PDXDC1: variants seen among roughly 807,000 people sequenced by gnomAD.
PDXDC1 encodes the protein pyridoxal dependent decarboxylase domain containing 1, also known as pyridoxal-dependent decarboxylase domain-containing protein 1.
A neutral mutation model predicts 100.1 loss-of-function variants in PDXDC1; 42 were observed. The ratio of observed to expected loss-of-function variants is 0.42; its 90% CI spans 0.33 to 0.54. The LOEUF is 0.54. PDXDC1 is among the 20% of genes least tolerant of loss of function. The pLI, the probability that PDXDC1 is intolerant of heterozygous loss-of-function variation, is 0.10. For missense variants in PDXDC1, 636 were observed against 979.2 expected, an observed-to-expected ratio of 0.65 and a Z score of 4.68; for synonymous variants, 260 against 371.7, an observed-to-expected ratio of 0.70 and a Z score of 3.46.
At chr16:15,126,909 C>T (rs1256515638) in intron 16 of PDXDC1, 3 of 225,066 alleles carry the variant, frequency 1.3e-5, no homozygotes, top group Non-Finnish European at 2.7e-5. Flanking sequence ...CTGCCCGCCT[C>T]GGCCTCCCAA....
intron 11 of PDXDC1, among the ~76,000 whole-genome samples, chr16:15,018,417 A>AAAT (rs1336770800): frequency 1.3e-5 from 2 of 152,380 alleles, no homozygotes; most frequent in African/African-American, 4.8e-5. Flanking sequence ...CTGTCACAAA[A>AAAT]AATAATAATA....
At chr16:15,086,428 T>C in intron 16 of PDXDC1, 2 of 1,613,502 alleles carry the variant, frequency 1.2e-6, no homozygotes, top group Non-Finnish European at 1.7e-6. Context: ...AACGGAATTC[T>C]AGCAGCCAGT....
intron 16 of PDXDC1, among the ~76,000 whole-genome samples, chr16:15,057,029 C>G (rs1283153961): frequency 6.6e-6 from 1 of 152,076 alleles, no homozygotes; most frequent in Non-Finnish European, 1.5e-5. Context: ...AAATATTGCT[C>G]AAATTCATCC....
At chr16:15,144,756 G>C in the PDXDC1 span, among the ~76,000 whole-genome samples, 2 of 152,210 alleles carry the variant, frequency 1.3e-5, no homozygotes, top group African/African-American at 2.4e-5. Flanking sequence ...GGCTGAACGA[G>C]GGAGATGAGA....
At chr16:15,041,163 A>G, downstream of PDXDC1, 1 of 1,212,246 alleles carries the variant, frequency 8.2e-7, no homozygotes, top group Non-Finnish European at 1.2e-6. Flanking sequence ...TTAAAGAAAT[A>G]CCAAATGATT....
chr16:15,089,373 A>G (rs1171544719), intron 16 of PDXDC1, among the ~76,000 whole-genome samples: 3 of 152,272 alleles, frequency 2.0e-5, no homozygotes, highest in Admixed American at 1.3e-4. Flanking sequence ...ATTAGGACAC[A>G]GGTAGATTTC....
chr16:14,984,414 T>C (rs1249664601), intron 1 of PDXDC1, among the ~76,000 whole-genome samples: 1 of 149,058 alleles, frequency 6.7e-6, no homozygotes, highest in East Asian at 2.0e-4. Context: ...TTTTTTTTTT[T>C]TTTCCAAATC....
In PDXDC1 at chr16:15,017,316, G is replaced by A. The variant is rs1293755531; in HGVS notation, c.862-5G>A. The A allele has an allele frequency of 5.0e-6, 8 of 1,606,122 alleles. 1 individual carries two copies. The Admixed American group carries it at 1.3e-4, about 27-fold the overall frequency. On this transcript the variant is annotated splice_region_variant and splice_polypyrimidine_tract_variant and intron_variant, in intron 10 of 22. Transcript: ENST00000396410. The stretch of plus-strand genomic sequence containing the variant: ...TCTAACAAAGAGTTGTTCTTGTTTT[G>A]GTAGGCTGCAGCCAAATGTGATAGC...
At chr16:15,135,220 T>C (rs1040445258) in intron 16 of PDXDC1, 9 of 770,880 alleles carry the variant, frequency 1.2e-5, no homozygotes, top group Non-Finnish European at 1.9e-5. Context: ...CGGAAAACAG[T>C]AGATGAGCAG....
At chr16:15,095,861 G>GGTGTGTGTGTGTGT (rs113527217) in intron 16 of PDXDC1, among the ~76,000 whole-genome samples, 1 of 134,358 alleles carries the variant, frequency 7.4e-6, no homozygotes, top group Non-Finnish European at 1.6e-5. Context: ...AAAAAAAAAA[G>GGTGTGTGTGTGTGT]GTGTGTGTGT....
rs1309026266 is a variant in PDXDC1 at position 15,123,471 on chromosome 16, G to C, written c.1400-15408G>C. On this transcript the variant is annotated intron_variant, in intron 16 of 16. Coordinates refer to the PDXDC1 transcript ENST00000535621. ...TGCCAGGTTTTACAGCCTCCGCTCA[G>C]CCATTCATATCCTAAGCAACAAAAC... The C allele has an allele frequency of 4.3e-6, 3 of 692,524 alleles. 1 individual carries two copies. In the South Asian group the frequency reaches 4.6e-5, roughly 11 times the overall value. 42.9% of individuals were successfully genotyped at this position (692,524 alleles called of 1,614,324 possible).
At chr16:15,013,364 A>AG (rs1382629981) in intron 8 of PDXDC1, among the ~76,000 whole-genome samples, 1 of 151,692 alleles carries the variant, frequency 6.6e-6, no homozygotes, top group Admixed American at 6.6e-5. Flanking sequence ...AAAAAGAAAA[A>AG]AAAAAAAAAA....
chr16:15,148,370 ATTTTTT>A, the PDXDC1 span, among the ~76,000 whole-genome samples: 12 of 34,112 alleles, frequency 3.5e-4, no homozygotes, highest in African/African-American at 9.5e-4. Context: ...AGATCCTGTG[ATTTTTT>A]TTTTTTTTTT....
chr16:15,038,239 G>A lies in PDXDC1; in HGVS notation c.*1964G>A. The A allele has an allele frequency of 1.3e-6, 2 of 1,571,932 alleles. No individual in the cohort carries two copies. Among genetic ancestry groups the A allele is most frequent in the Non-Finnish European group, 1.7e-6 (2 of 1,145,120 alleles). On this transcript the variant is annotated 3_prime_UTR_variant, in exon 23 of 23. Transcript: ENST00000396410. ...AAAACACAAGATGGTGGGCATTAGA[G>A]AAGCCAACCTTACTGTCCCCTGCTG...
chr16:15,020,975 A>AAACACACACAC (rs370903249), intron 12 of PDXDC1, among the ~76,000 whole-genome samples: 208 of 145,266 alleles, frequency 1.4e-3, no homozygotes, highest in African/African-American at 4.9e-3. Flanking sequence ...GCACCATCTA[A>AAACACACACAC]ACACACACAC....
At chr16:15,033,507 A>G in intron 19 of PDXDC1, 108 bp downstream of exon 19, 1 of 1,274,528 alleles carries the variant, frequency 7.8e-7, no homozygotes, top group Non-Finnish European at 1.1e-6. Context: ...GTTGTCTCTC[A>G]AAGTCTGTCA....
intron 16 of PDXDC1, among the ~76,000 whole-genome samples, chr16:15,126,290 G>A (rs1255248960): frequency 1.5e-5 from 2 of 132,290 alleles, no homozygotes; most frequent in African/African-American, 2.7e-5. Flanking sequence ...GCCCGCCTCC[G>A]CCTCCCAAAG....
intron 16 of PDXDC1, chr16:15,127,212 C>G (rs2047783369): frequency 4.7e-6 from 2 of 423,524 alleles, no homozygotes; most frequent in South Asian, 4.0e-5. Context: ...TCTGAGTTAT[C>G]TGGCGTGCTG....
At chr16:15,050,150 T>C (rs1401825133) in intron 16 of PDXDC1, among the ~76,000 whole-genome samples, 2 of 152,220 alleles carry the variant, frequency 1.3e-5, no homozygotes, top group Non-Finnish European at 2.9e-5. Flanking sequence ...AATCTGAGTG[T>C]TTGTACACAC....
Sources: allele counts gnomAD v4.1 joint callset (sites outside exome capture counted in the v4.1 genomes callset), GRCh38; gene constraint gnomAD v4.1.1; transcripts MANE v1.5; gene names NCBI Gene and HGNC (gene_info 2026-07-23, HGNC 2026-07-21).